TXNRD2: variants seen among roughly 807,000 people sequenced by gnomAD.
TXNRD2 encodes the protein thioredoxin reductase 2, mitochondrial.
A neutral mutation model predicts 70.8 loss-of-function variants in TXNRD2; 67 were observed. That is an observed-to-expected ratio of 0.95 (90% CI 0.78 to 1.16). The LOEUF is 1.16. TXNRD2 is among the 50% of genes most tolerant of loss of function. The pLI is 0.00. For missense variants in TXNRD2, 644 were observed against 719.9 expected (o/e 0.89, Z 1.21); for synonymous variants, 301 against 295.8 (o/e 1.02, Z -0.18).
intron 16 of TXNRD2, 129 bp from the exon 17 acceptor site, chr22:19,877,363 C>T: frequency 1.2e-6 from 1 of 821,764 alleles, no homozygotes; most frequent in South Asian, 1.7e-5. Context: ...CCCCAGCCAG[C>T]AGCCAGGACC....
intron 17 of TXNRD2, chr22:19,876,735 A>G (rs1938522580): frequency 5.7e-6 from 1 of 174,482 alleles, no homozygotes; most frequent in Admixed American, 6.2e-5. Flanking sequence ...CCCACCCGGG[A>G]CACCTTCCAC....
rs753149838 is a variant in TXNRD2 at position 19,878,163 on chromosome 22, G to GT, written c.1371dup (p.Gln458ThrfsTer45). On this transcript the variant is annotated frameshift_variant, in exon 16 of 18. Transcript: ENST00000400521. LOFTEE classifies it high-confidence loss of function. Reference sequence around the variant, plus strand: ...AGGAAATGCAGGCCCAGCACCAGCTGTGGGGGCTCCCTCAGGCACACCATC... The same window carrying GT: ...AGGAAATGCAGGCCCAGCACCAGCTGTTGGGGGCTCCCTCAGGCACACCATC... 15 of 1,613,284 alleles carry GT rather than the reference G, an allele frequency of 9.3e-6. No homozygotes were observed. In the South Asian group the frequency reaches 1.5e-4, roughly 17 times the overall value.
chr22:19,934,015 G>A (rs902642985), intron 1 of TXNRD2, among the ~76,000 whole-genome samples: 8 of 152,250 alleles, frequency 5.3e-5, no homozygotes, highest in African/African-American at 1.9e-4. Context: ...CAAGGCCCAA[G>A]AGAATGCAGC....
chr22:19,940,415 A>G lies in TXNRD2; in HGVS notation c.103+1286T>C, dbSNP rs1017937498. On this transcript the variant is annotated intron_variant, in intron 1 of 17. Transcript: ENST00000400521. ...GACCAGGATCATCATCCTATTTTGC[A>G]TAGAAGGTTCAGTTTGTTCTTTCCC... Among the ~76,000 whole-genome samples the G allele has an allele frequency of 2.0e-5, 3 of 152,290 alleles. No individual in the cohort carries two copies. The East Asian group carries it at 5.8e-4, about 29-fold the overall frequency.
intron 1 of TXNRD2, among the ~76,000 whole-genome samples, chr22:19,940,105 C>T (rs1018409300): frequency 2.6e-5 from 4 of 152,012 alleles, no homozygotes; most frequent in African/African-American, 9.6e-5. Flanking sequence ...ATTAGCCAGG[C>T]GTGGTGGCAG....
chr22:19,938,991 C>T (rs1205638864), intron 1 of TXNRD2, among the ~76,000 whole-genome samples: 3 of 152,136 alleles, frequency 2.0e-5, no homozygotes, highest in Admixed American at 6.6e-5. Flanking sequence ...TCTCCCTAAA[C>T]GAAGGCAAGC....
chr22:19,884,712 G>A (rs1938943415), intron 11 of TXNRD2, among the ~76,000 whole-genome samples: 1 of 152,198 alleles, frequency 6.6e-6, no homozygotes, highest in Non-Finnish European at 1.5e-5. Flanking sequence ...ACCCTGGACT[G>A]TACCCCAACA....
At position 19,880,718 on chromosome 22, in the gene TXNRD2, C is replaced by T; in HGVS notation, c.1087-1G>A. 1 of 1,607,916 alleles carries T rather than the reference C, an allele frequency of 6.2e-7. No individual in the cohort carries two copies. Among genetic ancestry groups the T allele is most frequent in the Non-Finnish European group, 8.5e-7 (1 of 1,178,376 alleles). ...CTATGGGTGTCAGCTCAGGCCGCCC[C>T]TTGGGGAAGGCACAGGGGGGCCACG... is the stretch of plus-strand genomic sequence containing the variant. On this transcript the variant is annotated splice_acceptor_variant, in intron 12 of 17. Transcript: ENST00000400521. LOFTEE classifies it high-confidence loss of function.
chr22:19,896,303 A>G (rs1382879796), intron 10 of TXNRD2, among the ~76,000 whole-genome samples: 2 of 145,268 alleles, frequency 1.4e-5, no homozygotes, highest in African/African-American at 5.5e-5. Flanking sequence ...GTCTCAAACC[A>G]AAAAAAAAGA....
rs531269979 is a variant in TXNRD2 at position 19,893,666 on chromosome 22, G to A, written c.949+1741C>T. On this transcript the variant is annotated intron_variant, in intron 11 of 17. Coordinates refer to ENST00000400521, the MANE Select transcript of TXNRD2 (RefSeq NM_006440.5). ...CTCGGCCACTGCCCCATGCAAAACC[G>A]GACCTACACCTGACAGAGAGCAAGA... Among the ~76,000 whole-genome samples the A allele has an allele frequency of 4.7e-5, 7 of 149,838 alleles. No homozygotes were observed. The East Asian group carries it at 8.0e-4, about 17-fold the overall frequency.
intron 7 of TXNRD2, among the ~76,000 whole-genome samples, chr22:19,913,617 C>T (rs1306105938): frequency 1.3e-5 from 2 of 152,226 alleles, no homozygotes; most frequent in Non-Finnish European, 2.9e-5. Flanking sequence ...AAGGAAAAGC[C>T]AAAGTATGAG....
In TXNRD2 at chr22:19,895,577, A is replaced by G; in HGVS notation, c.779T>C (p.Met260Thr). The change falls in exon 11 of 18, where the codon ATG becomes ACG. Residue 260 changes from methionine to threonine, a missense_variant. Met to Thr is a moderately conservative substitution (Grantham distance 81). Coordinates refer to ENST00000400521, the MANE Select transcript of TXNRD2 (RefSeq NM_006440.5). ...CATGTGCTCTATGACCATGGAGGAC[A>G]TTTGCTGCAAAGCACAAGAAGACAG... The part of the protein sequence containing the change: ...SIPLRGFDQQ[M>T]SSMVIEHMAS... The G allele has an allele frequency of 6.2e-7, 1 of 1,610,930 alleles. No individual in the cohort carries two copies. Among genetic ancestry groups the G allele is most frequent in the Non-Finnish European group, 8.5e-7 (1 of 1,180,014 alleles).
In TXNRD2 at chr22:19,918,926, A is replaced by G. The variant is rs1940763062; in HGVS notation, c.308T>C (p.Leu103Pro). ...PKKLMHQAAL[L>P]GGLIQDAPNY... ...GGGGGCATCTTGGATCAGGCCTCCC[A>G]GCAGTGCCGCCTGGTGCATCAGCTT... Residue 103 changes from leucine (L) to proline (P), a missense_variant, in exon 4 of 18, where the codon CTG becomes CCG. Leu to Pro is a moderately conservative substitution (Grantham distance 98, BLOSUM62 -3). Coordinates refer to ENST00000400521, the MANE Select transcript of TXNRD2 (RefSeq NM_006440.5). 6.2e-7 allele frequency: 1 copy of G among 1,612,940 alleles called. No individual in the cohort carries two copies. Among genetic ancestry groups the G allele is most frequent in the African/African-American group, 1.3e-5 (1 of 74,880 alleles).
Position 19,919,064 on chromosome 22 carries a change from G to A in TXNRD2, c.230-60C>T, listed in dbSNP as rs1940775350. 3 of 1,554,592 alleles carry A rather than the reference G, an allele frequency of 1.9e-6. No homozygotes were observed. In the South Asian group the frequency reaches 3.4e-5, roughly 18 times the overall value. ...TCAGGTGACTGCTGGAGGCTTCCCT[G>A]TTCTTCTAGAGTGTTTGGAATTCCT... On this transcript the variant is annotated intron_variant, in intron 3 of 17. Coordinates refer to ENST00000400521, the MANE Select transcript of TXNRD2 (RefSeq NM_006440.5).
intron 12 of TXNRD2, 70 bp from the exon 13 acceptor site, chr22:19,880,787 C>G (rs772302062): frequency 1.8e-6 from 2 of 1,117,516 alleles, no homozygotes; most frequent in Non-Finnish European, 1.3e-6. Context: ...ATGCCATCAC[C>G]CTTTGCCCTC....
At position 19,894,870 on chromosome 22, in the gene TXNRD2, C is replaced by T. The variant is rs556117423; in HGVS notation, c.949+537G>A. On this transcript the variant is annotated intron_variant, in intron 11 of 17. Coordinates refer to ENST00000400521, the MANE Select transcript of TXNRD2 (RefSeq NM_006440.5). The stretch of plus-strand genomic sequence containing the variant: ...AGGTGTAGTGGTGGGCGCCTGTAGC[C>T]CCAGCTACCCAGGAGGCTGAGGCAG... 153 of 626,602 alleles carry T rather than the reference C, an allele frequency of 2.4e-4. 1 individual carries two copies. The East Asian group carries it at 7.8e-3, about 32-fold the overall frequency. 38.8% of individuals were successfully genotyped at this position (626,602 alleles called of 1,614,324 possible). A position where few individuals can be genotyped will look rare whatever the true frequency, so the allele number is the denominator to read the frequency against.
In TXNRD2 at chr22:19,926,713, C is replaced by A. The variant is rs5748477; in HGVS notation, c.172+4317G>T. 5.7e-4 allele frequency among the ~76,000 whole-genome samples: 87 copies of A among 151,570 alleles called. 1 individual carries two copies. The South Asian group carries it at 9.8e-3, about 17-fold the overall frequency. ...GGAGAATTGCTTGAGCCCGAGAGGC[C>A]GAGGTTGCAGTGAGCCGAGATGGTG... is the stretch of plus-strand genomic sequence containing the variant. On this transcript the variant is annotated intron_variant, in intron 2 of 17. Transcript: ENST00000400521.
chr22:19,900,857 A>G (rs1191992748), intron 8 of TXNRD2, among the ~76,000 whole-genome samples: 1 of 152,188 alleles, frequency 6.6e-6, no homozygotes, highest in African/African-American at 2.4e-5. Context: ...GCGAGAGCCC[A>G]TTGTGTGGTG....
At chr22:19,935,614 G>A (rs1417145905) in intron 1 of TXNRD2, among the ~76,000 whole-genome samples, 1 of 152,122 alleles carries the variant, frequency 6.6e-6, no homozygotes. Flanking sequence ...TGGTTTTGCG[G>A]CTCAGGTGGG....
Sources: gnomAD v4.1 joint callset for allele counts (sites outside exome capture counted in the v4.1 genomes callset) on GRCh38, gnomAD v4.1.1 for gene constraint, MANE v1.5 for transcripts, NCBI Gene and HGNC (gene_info 2026-07-23, HGNC 2026-07-21) for gene names.